Variants in MEGF8 observed in about 807,000 individuals in gnomAD.
MEGF8 encodes multiple epidermal growth factor-like domains protein 8.
A neutral mutation model predicts 302.9 loss-of-function variants in MEGF8; 156 were observed. The ratio of observed to expected loss-of-function variants is 0.52; its 90% CI spans 0.45 to 0.59. The LOEUF (loss-of-function observed/expected upper bound fraction) is 0.59, where lower values mean the gene tolerates loss of function less well. Among genes scored for constraint, MEGF8 ranks in the 20% least tolerant of loss-of-function variants. The pLI, the probability that MEGF8 is intolerant of heterozygous loss-of-function variation, is 0.00. For synonymous variants in MEGF8, 1,621 were observed against 1,660.5 expected (o/e 0.98, Z 0.58); for missense variants, 3,345 against 3,964.5 (o/e 0.84, Z 4.20).
chr19:42,343,331 TG>T, intron 8 of MEGF8, 145 bp from the exon 9 acceptor site: 1 of 781,946 alleles, frequency 1.3e-6, no homozygotes, highest in Non-Finnish European at 1.9e-6. Context: ...CAGGGCCAGG[TG>T]GGCTGGGAGA....
At chr19:42,350,464 G>A (rs76031723) in intron 15 of MEGF8, 80 bp downstream of exon 15, 5 of 1,264,664 alleles carry the variant, frequency 4.0e-6, no homozygotes, top group African/African-American at 3.0e-5. Context: ...AACCCCTGGT[G>A]GGGGGTGTGG....
At chr19:42,328,790 G>C (rs1295561507) in intron 1 of MEGF8, among the ~76,000 whole-genome samples, 3 of 151,992 alleles carry the variant, frequency 2.0e-5, no homozygotes, top group Admixed American at 6.6e-5. Context: ...ACAAAAATTA[G>C]CCCTGCGTGG....
chr19:42,335,115 G>A lies in MEGF8; in HGVS notation c.639G>A (p.Gly213=). 6.2e-7 allele frequency: 1 copy of A among 1,613,990 alleles called. No homozygotes were observed. The highest frequency in any genetic ancestry group is 8.5e-7 in the Non-Finnish European group (1 of 1,179,874). ...DLHLWENQGA[G]WWHNVSARDP... is the part of the protein sequence containing the mutation. Reference sequence around the variant, plus strand: ...ACCTGTGGGAGAACCAGGGGGCTGGGTGGTGGCACAACGTGAGTGCCAGGG... The same window carrying A: ...ACCTGTGGGAGAACCAGGGGGCTGGATGGTGGCACAACGTGAGTGCCAGGG... The change falls in exon 4 of 42, where the codon GGG becomes GGA. Residue 213 remains glycine (G), a synonymous_variant. Coordinates refer to ENST00000251268, the MANE Select transcript of MEGF8 (RefSeq NM_001271938.2).
rs942163848 is a variant in MEGF8 at position 42,358,289 on chromosome 19, C to T, written c.5157C>T (p.Ala1719=). 1 of 1,604,528 alleles carries T rather than the reference C, an allele frequency of 6.2e-7. No individual in the cohort carries two copies. ...CTGACCGCACCTGGAGTCTGCTGGC[C>T]CCTTCTCAGGGGGCAAAGGTCAGGA... ...HCPDRTWSLL[A]PSQGAKRDRM... Residue 1719 remains alanine (A), a synonymous_variant, in exon 29 of 42, where the codon GCC becomes GCT. Transcript: ENST00000251268. The surrounding 1 kb of genome is among the most constrained non-coding windows in gnomAD (Gnocchi z 4.4).
intron 41 of MEGF8, among the ~76,000 whole-genome samples, chr19:42,372,033 G>C (rs996522261): frequency 1.7e-5 from 2 of 118,848 alleles, no homozygotes; most frequent in African/African-American, 3.2e-5. Flanking sequence ...GCAGGACTCT[G>C]TCTCAAAACA....
At chr19:42,347,537 G>A (rs1240334785) in intron 12 of MEGF8, among the ~76,000 whole-genome samples, 3 of 151,814 alleles carry the variant, frequency 2.0e-5, no homozygotes, top group Non-Finnish European at 2.9e-5. Context: ...TTGTTGCACA[G>A]GCTGGAGTGC....
Position 42,348,199 on chromosome 19 carries a change from G to C in MEGF8, c.2098-73G>C, listed in dbSNP as rs1368742575. On this transcript the variant is annotated intron_variant, in intron 12 of 41. Transcript: ENST00000251268. ...ATGGGGAAGAAGGTTGGGTTGACCA[G>C]TCTTTTCTGGCTCTGATGTGGCCTG... The C allele has an allele frequency of 3.6e-6, 5 of 1,379,544 alleles. No homozygotes were observed. In the Admixed American group the frequency reaches 9.3e-5, roughly 26 times the overall value. The allele number at this position is 1,379,544 out of a possible 1,614,324, so 85.5% of individuals were successfully genotyped here. A position where few individuals can be genotyped will look rare whatever the true frequency, so the allele number is the denominator to read the frequency against.
Position 42,369,815 on chromosome 19 carries a change from A to T in MEGF8, c.6834+92A>T, listed in dbSNP as rs1199710860. ...CTCAGGCGGCTCGCATCTCATCCTGAGCCCTGATAAGCCAGGGACAGATAA... is the reference window on the plus strand; with the variant it reads ...CTCAGGCGGCTCGCATCTCATCCTGTGCCCTGATAAGCCAGGGACAGATAA... On this transcript the variant is annotated intron_variant, in intron 38 of 41. Coordinates refer to ENST00000251268, the MANE Select transcript of MEGF8 (RefSeq NM_001271938.2). This position sits in a 1 kb window ranked among gnomAD's most constrained non-coding sequence, Gnocchi z 5.7. The T allele has an allele frequency of 9.0e-6, 12 of 1,339,656 alleles. No homozygotes were observed. Among genetic ancestry groups the T allele is most frequent in the Non-Finnish European group, 1.2e-5 (12 of 987,540 alleles). The allele number at this position is 1,339,656 out of a possible 1,614,324, so 83.0% of individuals were successfully genotyped here. A position where few individuals can be genotyped will look rare whatever the true frequency, so the allele number is the denominator to read the frequency against.
Position 42,358,331 on chromosome 19 carries a change from A to G in MEGF8, c.5175+24A>G. 1 of 1,585,562 alleles carries G rather than the reference A, an allele frequency of 6.3e-7. No homozygotes were observed. The highest frequency in any genetic ancestry group is 2.3e-5 in the East Asian group (1 of 43,086). The stretch of plus-strand genomic sequence containing the variant: ...AGGTCAGGAAAAGAGGCTCAGACCC[A>G]AGGATGTATGGGGCAGGAGGGAGGG... On this transcript the variant is annotated intron_variant, in intron 29 of 41. Transcript: ENST00000251268. This position sits in a 1 kb window ranked among gnomAD's most constrained non-coding sequence, Gnocchi z 4.4.
Position 42,337,144 on chromosome 19 carries a change from A to G in MEGF8, c.1451A>G (p.Tyr484Cys). 3 of 1,613,928 alleles carry G rather than the reference A, an allele frequency of 1.9e-6. No individual in the cohort carries two copies. Among genetic ancestry groups the G allele is most frequent in the Non-Finnish European group, 2.5e-6 (3 of 1,179,870 alleles). The part of the protein sequence containing the change: ...EKCYEDGIFF[Y>C]HLGCHQWVSG... ...TGCTACGAAGATGGCATCTTCTTCT[A>G]CCACCTTGGCTGCCATCAATGGGTG... Residue 484 changes from tyrosine to cysteine, a missense_variant, in exon 8 of 42, where the codon TAC becomes TGC. Transcript: ENST00000251268.
Position 42,348,316 on chromosome 19 carries a change from A to G in MEGF8, c.2142A>G (p.Ala714=), listed in dbSNP as rs1310706098. 1 of 1,537,544 alleles carries G rather than the reference A, an allele frequency of 6.5e-7. No homozygotes were observed. Among genetic ancestry groups the G allele is most frequent in the Non-Finnish European group, 8.7e-7 (1 of 1,146,970 alleles). ...CGACCATCACCCTAACACCCAGCGCAGAGACAGATGTGTCCCTGGTCTACC... is the reference window on the plus strand; with the variant it reads ...CGACCATCACCCTAACACCCAGCGCGGAGACAGATGTGTCCCTGGTCTACC... ...RSTTITLTPS[A]ETDVSLVYRG... The change falls in exon 13 of 42, where the codon GCA becomes GCG. Residue 714 remains alanine (A), a synonymous_variant. Transcript: ENST00000251268.
intron 35 of MEGF8, among the ~76,000 whole-genome samples, chr19:42,367,938 T>C (rs903946659): frequency 1.3e-5 from 2 of 152,172 alleles, no homozygotes; most frequent in Admixed American, 6.6e-5. Flanking sequence ...TTTTCTTTTT[T>C]TGAGACAGAG....
chr19:42,353,391 T>G lies in MEGF8; in HGVS notation c.3551-74T>G. ...TGAAGCGGCTGGGTGGGGTCAGGGTTTAGCTGAGCCAGTAGGCCTGGGCCT... is the reference window on the plus strand; with the variant it reads ...TGAAGCGGCTGGGTGGGGTCAGGGTGTAGCTGAGCCAGTAGGCCTGGGCCT... On this transcript the variant is annotated intron_variant, in intron 20 of 41. Coordinates refer to ENST00000251268, the MANE Select transcript of MEGF8 (RefSeq NM_001271938.2). The surrounding 1 kb of genome is among the most constrained non-coding windows in gnomAD (Gnocchi z 6.1). 6.6e-7 allele frequency: 1 copy of G among 1,512,968 alleles called. No individual in the cohort carries two copies. Among genetic ancestry groups the G allele is most frequent in the Non-Finnish European group, 9.0e-7 (1 of 1,116,082 alleles). 93.7% of individuals were successfully genotyped at this position (1,512,968 alleles called of 1,614,324 possible). A position where few individuals can be genotyped will look rare whatever the true frequency, so the allele number is the denominator to read the frequency against.
chr19:42,352,265 G>A lies in MEGF8; in HGVS notation c.3159G>A (p.Val1053=). The A allele has an allele frequency of 6.4e-7, 1 of 1,562,636 alleles. No individual in the cohort carries two copies. The highest frequency in any genetic ancestry group is 8.7e-7 in the Non-Finnish European group (1 of 1,152,454). Residue 1053 remains valine, a synonymous_variant, in exon 19 of 42, where the codon GTG becomes GTA. Transcript: ENST00000251268. The surrounding 1 kb of genome is among the most constrained non-coding windows in gnomAD (Gnocchi z 4.4). ...GTGGGGGTAACTGCTCCCTGTGGGT[G>A]GGGGAGGGCCTGGGGCTTCCCGTGG... ...PLGGGNCSLW[V]GEGLGLPVAL...
chr19:42,360,472 A>C (rs1445235054), intron 31 of MEGF8, among the ~76,000 whole-genome samples: 1 of 151,364 alleles, frequency 6.6e-6, no homozygotes, highest in Non-Finnish European at 1.5e-5. Context: ...TAGCTTCCCA[A>C]GTAGCTGGGG....
chr19:42,334,533 G>A (rs2039098774), intron 3 of MEGF8, among the ~76,000 whole-genome samples: 1 of 152,070 alleles, frequency 6.6e-6, no homozygotes, highest in Non-Finnish European at 1.5e-5. Flanking sequence ...GTGTGGCCTT[G>A]GACCCCTGCC....
At chr19:42,328,580 G>C (rs182035743) in intron 1 of MEGF8, among the ~76,000 whole-genome samples, 324 of 152,046 alleles carry the variant, frequency 2.1e-3, no homozygotes, top group Non-Finnish European at 3.4e-3. Flanking sequence ...GTGTGTGTGT[G>C]TGTGTGTGTG....
chr19:42,360,765 C>G lies in MEGF8; in HGVS notation c.5489-10C>G. On this transcript the variant is annotated splice_polypyrimidine_tract_variant and intron_variant, in intron 31 of 41. Transcript: ENST00000251268. ...CTCTCTATCTGTCTGAATACACCAT[C>G]TTTCCTCAGGCTCGGCCTCTGTGGG... The G allele has an allele frequency of 6.4e-7, 1 of 1,565,406 alleles. No homozygotes were observed. Among genetic ancestry groups the G allele is most frequent in the Non-Finnish European group, 8.7e-7 (1 of 1,155,320 alleles).
rs1034879087 is a variant in MEGF8, at chr19:42,378,692, T to C, written c.*1917T>C. ...TGAGAGGCCCTAGCCAATGCGTGCATGTCAGAGGTGGTGGGGACCACATCA... is the reference window on the plus strand; with the variant it reads ...TGAGAGGCCCTAGCCAATGCGTGCACGTCAGAGGTGGTGGGGACCACATCA... On this transcript the variant is annotated 3_prime_UTR_variant, in exon 42 of 42. Coordinates refer to ENST00000251268, the MANE Select transcript of MEGF8 (RefSeq NM_001271938.2). The C allele has an allele frequency of 6.5e-6, 1 of 153,736 alleles. No individual in the cohort carries two copies. The highest frequency in any genetic ancestry group is 2.4e-5 in the African/African-American group (1 of 41,436). The allele number at this position is 153,736 out of a possible 1,614,324, so 9.5% of individuals were successfully genotyped here. A position where few individuals can be genotyped will look rare whatever the true frequency, so the allele number is the denominator to read the frequency against.
Sources: gnomAD v4.1 joint callset for allele counts (sites outside exome capture counted in the v4.1 genomes callset) on GRCh38, gnomAD v4.1.1 for gene constraint, Gnocchi (gnomAD v3.1) non-coding constraint, MANE v1.5 for transcripts, NCBI Gene and HGNC (gene_info 2026-07-23, HGNC 2026-07-21) for gene names.